The following GABRG3 variants were observed in gnomAD, a reference collection of about 807,000 sequenced individuals.
The protein encoded by GABRG3 is gamma-aminobutyric acid type A receptor subunit gamma3.
Under a neutral mutation model 48.8 loss-of-function variants are expected in GABRG3, and 25 were observed. That is an observed-to-expected ratio of 0.51 (90% CI 0.37 to 0.72). GABRG3 has a LOEUF of 0.72. Among genes scored for constraint, GABRG3 ranks in the 30% least tolerant of loss-of-function variants. The pLI is 0.00. For synonymous variants in GABRG3, 227 were observed against 217.6 expected (o/e 1.04, Z -0.38); for missense variants, 394 against 577.9 (o/e 0.68, Z 3.26).
intron 5 of GABRG3, among the ~76,000 whole-genome samples, chr15:27,462,462 A>G (rs1335077858): frequency 6.6e-6 from 1 of 152,246 alleles, no homozygotes; most frequent in East Asian, 1.9e-4. Flanking sequence ...AGAAATGTCT[A>G]AAATATGAAA....
intron 5 of GABRG3, among the ~76,000 whole-genome samples, chr15:27,442,179 G>A (rs184623724): frequency 6.6e-6 from 1 of 152,226 alleles, no homozygotes; most frequent in East Asian, 1.9e-4. Flanking sequence ...TTGGCAGAGG[G>A]CACAGGTGAT....
chr15:27,402,523 A>G (rs1055692493), intron 5 of GABRG3, among the ~76,000 whole-genome samples: 5 of 152,232 alleles, frequency 3.3e-5, no homozygotes, highest in African/African-American at 7.2e-5. Flanking sequence ...CTTATTTGGC[A>G]TAGGAATCCT....
intron 2 of GABRG3, among the ~76,000 whole-genome samples, chr15:27,024,017 C>T (rs755496037): frequency 3.3e-5 from 5 of 152,174 alleles, no homozygotes; most frequent in East Asian, 3.9e-4. Context: ...AGTAGCCATC[C>T]GAATGGGTGT....
At chr15:27,495,465 A>G (rs535394512) in intron 6 of GABRG3, among the ~76,000 whole-genome samples, 1 of 152,272 alleles carries the variant, frequency 6.6e-6, no homozygotes, top group South Asian at 2.1e-4. Flanking sequence ...TCCTGATTTG[A>G]GTTCTCTTGG....
intron 3 of GABRG3, chr15:27,271,571 T>C (rs1034450849): frequency 2.2e-6 from 1 of 451,626 alleles, no homozygotes; most frequent in African/African-American, 2.1e-5. Context: ...CAGAAGAGGA[T>C]GGCTGCTGGG....
chr15:27,233,556 T>C (rs1889864641), intron 3 of GABRG3, among the ~76,000 whole-genome samples: 1 of 152,086 alleles, frequency 6.6e-6, no homozygotes, highest in Non-Finnish European at 1.5e-5. Context: ...TCTCTCTTCC[T>C]CTCTTCATGA....
At chr15:27,420,728 T>G (rs1330217557) in intron 5 of GABRG3, 1 of 152,210 alleles carries the variant, frequency 6.6e-6, no homozygotes, top group Non-Finnish European at 1.5e-5. Context: ...GGTAAGAAGT[T>G]GGTGATTATT....
intron 3 of GABRG3, among the ~76,000 whole-genome samples, chr15:27,027,356 C>G (rs1399043034): frequency 1.3e-5 from 2 of 152,168 alleles, no homozygotes; most frequent in African/African-American, 2.4e-5. Context: ...CACCTGCCAG[C>G]AAGGGGTTAA....
At chr15:27,509,101 G>A (rs1159043794) in intron 6 of GABRG3, among the ~76,000 whole-genome samples, 1 of 152,070 alleles carries the variant, frequency 6.6e-6, no homozygotes, top group Non-Finnish European at 1.5e-5. Context: ...GTTTCACTGT[G>A]GGTTTACTTT....
chr15:27,323,399 T>C (rs966302472), intron 3 of GABRG3, among the ~76,000 whole-genome samples: 1 of 152,176 alleles, frequency 6.6e-6, no homozygotes, highest in Admixed American at 6.5e-5. Flanking sequence ...TGGATGTGCT[T>C]GGGAGGACAT....
intron 3 of GABRG3, among the ~76,000 whole-genome samples, chr15:27,035,175 G>A (rs111609050): frequency 0.013 from 2,008 of 152,292 alleles, 23 homozygotes; most frequent in South Asian, 0.025. Context: ...ATGTAAAACT[G>A]CTTAATTTTA....
chr15:27,324,164 A>G (rs1342342864), intron 3 of GABRG3, among the ~76,000 whole-genome samples: 1 of 152,198 alleles, frequency 6.6e-6, no homozygotes, highest in Non-Finnish European at 1.5e-5. Flanking sequence ...CCCATCTTCA[A>G]AGGAGGCAAC....
At chr15:27,332,347 C>T (rs1893830565) in intron 5 of GABRG3, among the ~76,000 whole-genome samples, 1 of 152,116 alleles carries the variant, frequency 6.6e-6, no homozygotes, top group African/African-American at 2.4e-5. Context: ...AACCCCATCT[C>T]TACTAAAAAT....
At chr15:27,332,712 AAGTT>A (rs1000774433) in intron 5 of GABRG3, among the ~76,000 whole-genome samples, 7 of 152,194 alleles carry the variant, frequency 4.6e-5, no homozygotes, top group African/African-American at 1.4e-4. Context: ...ATACAAATAA[AAGTT>A]AGGAAAACTG....
At chr15:27,218,844 C>T (rs1223102196) in intron 3 of GABRG3, among the ~76,000 whole-genome samples, 1 of 152,190 alleles carries the variant, frequency 6.6e-6, no homozygotes, top group Non-Finnish European at 1.5e-5. Context: ...CCTTTCCTCA[C>T]CCCACAGTAT....
chr15:27,209,139 G>T (rs1363909845), intron 3 of GABRG3, among the ~76,000 whole-genome samples: 3 of 152,160 alleles, frequency 2.0e-5, no homozygotes, highest in Admixed American at 6.5e-5. Context: ...TGGAACATTT[G>T]CATCATTGTC....
At chr15:27,010,120 G>T (rs1316455736) in intron 2 of GABRG3, among the ~76,000 whole-genome samples, 1 of 152,052 alleles carries the variant, frequency 6.6e-6, no homozygotes, top group East Asian at 1.9e-4. Context: ...AATTTTTGTA[G>T]TTTTTGTAGA....
chr15:27,515,300 G>C (rs1178778885), intron 6 of GABRG3, among the ~76,000 whole-genome samples: 1 of 152,002 alleles, frequency 6.6e-6, no homozygotes, highest in Non-Finnish European at 1.5e-5. Flanking sequence ...CACCATGTTG[G>C]CCAGGTGGAT....
chr15:27,065,333 A>G (rs1220513861), intron 3 of GABRG3, among the ~76,000 whole-genome samples: 1 of 152,200 alleles, frequency 6.6e-6, no homozygotes, highest in Non-Finnish European at 1.5e-5. Context: ...CTGCTGCTAG[A>G]CAGTCATCTT....
Sources: allele counts gnomAD v4.1 joint callset (sites outside exome capture counted in the v4.1 genomes callset), GRCh38; gene constraint gnomAD v4.1.1; transcripts MANE v1.5; gene names NCBI Gene and HGNC (gene_info 2026-07-23, HGNC 2026-07-21).